SPAG1: variants seen among roughly 807,000 people sequenced by gnomAD.
SPAG1 encodes the protein sperm-associated antigen 1.
A neutral mutation model predicts 100.5 loss-of-function variants in SPAG1; 69 were observed. That is an observed-to-expected ratio of 0.69 (90% CI 0.57 to 0.84). The LOEUF (loss-of-function observed/expected upper bound fraction) is 0.84, where lower values mean the gene tolerates loss of function less well. SPAG1 is among the 40% of genes least tolerant of loss of function. The pLI is 0.00. For synonymous variants in SPAG1, 336 were observed against 411.6 expected (o/e 0.82, Z 2.22); for missense variants, 955 against 1,133.1 (o/e 0.84, Z 2.26).
At chr8:100,204,784 T>C (rs1817436103) in intron 10 of SPAG1, among the ~76,000 whole-genome samples, 1 of 152,238 alleles carries the variant, frequency 6.6e-6, no homozygotes, top group Non-Finnish European at 1.5e-5. Flanking sequence ...AAGAGCCGTG[T>C]AATTGCTCTT....
intron 8 of SPAG1, among the ~76,000 whole-genome samples, chr8:100,188,178 G>T (rs1304531763): frequency 6.6e-6 from 1 of 150,674 alleles, no homozygotes; most frequent in Non-Finnish European, 1.5e-5. Flanking sequence ...TTGAGATAGG[G>T]TCTCACTCTG....
intron 13 of SPAG1, among the ~76,000 whole-genome samples, chr8:100,220,932 G>C (rs887417380): frequency 2.0e-5 from 3 of 152,072 alleles, no homozygotes; most frequent in Non-Finnish European, 4.4e-5. Context: ...AATTAGCCAG[G>C]TGTGGTGGCG....
chr8:100,216,908 C>T lies in SPAG1; in HGVS notation c.1535+2990C>T, dbSNP rs187417958. Among the ~76,000 whole-genome samples, 438 of 146,322 alleles carry T rather than the reference C, an allele frequency of 3.0e-3. 8 individuals are homozygous for T. Among genetic ancestry groups the T allele is most frequent in the Non-Finnish European group, 2.5e-3 (164 of 66,714 alleles). On this transcript the variant is annotated intron_variant, in intron 12 of 18. Transcript: ENST00000388798. ...TTAGTTTTTCAGTTAATTATCTTTGCTCTTTGGAGAGTTCCATGAGTTCTT... is the reference window on the plus strand; with the variant it reads ...TTAGTTTTTCAGTTAATTATCTTTGTTCTTTGGAGAGTTCCATGAGTTCTT...
chr8:100,228,198 A>G (rs1404210530), intron 14 of SPAG1, among the ~76,000 whole-genome samples: 1 of 152,168 alleles, frequency 6.6e-6, no homozygotes, highest in Non-Finnish European at 1.5e-5. Context: ...TTGAAATAGA[A>G]GATGAAAAGT....
intron 10 of SPAG1, among the ~76,000 whole-genome samples, chr8:100,212,450 A>G (rs1817755300): frequency 6.6e-6 from 1 of 152,242 alleles, no homozygotes; most frequent in South Asian, 2.1e-4. Context: ...TTCAACAATT[A>G]TTAAAGCTAT....
At chr8:100,178,790 G>A (rs1816238767) in intron 4 of SPAG1, among the ~76,000 whole-genome samples, 1 of 152,144 alleles carries the variant, frequency 6.6e-6, no homozygotes, top group Admixed American at 6.5e-5. Flanking sequence ...TCTGCAATCA[G>A]TGAAATTGTA....
chr8:100,204,943 A>T (rs1817444125), intron 10 of SPAG1, among the ~76,000 whole-genome samples: 1 of 152,330 alleles, frequency 6.6e-6, no homozygotes, highest in Non-Finnish European at 1.5e-5. Context: ...CATAATGGAC[A>T]GTAGAGGCAA....
chr8:100,173,949 T>C lies in SPAG1; in HGVS notation c.301-3867T>C, dbSNP rs143390848. On this transcript the variant is annotated intron_variant, in intron 3 of 18. Transcript: ENST00000388798. ...AAATGGTTAAGATGGCCAATTTTAT[T>C]ATGTTATACATATTTACCACAATTT... 2.3e-3 allele frequency among the ~76,000 whole-genome samples: 350 copies of C among 152,344 alleles called. 2 individuals carry two copies. The highest frequency in any genetic ancestry group is 7.8e-3 in the African/African-American group (323 of 41,580).
intron 10 of SPAG1, among the ~76,000 whole-genome samples, chr8:100,194,914 C>T (rs1816966724): frequency 6.6e-6 from 1 of 152,110 alleles, no homozygotes; most frequent in Non-Finnish European, 1.5e-5. Flanking sequence ...CACCTATAAT[C>T]CCAGCATTTT....
At chr8:100,178,363 CT>C (rs1190450722) in intron 4 of SPAG1, among the ~76,000 whole-genome samples, 3 of 151,902 alleles carry the variant, frequency 2.0e-5, no homozygotes, top group Non-Finnish European at 1.5e-5. Context: ...TAAACAGATA[CT>C]TTCAGTACTT....
At chr8:100,195,876 C>T (rs1817011279) in intron 10 of SPAG1, among the ~76,000 whole-genome samples, 2 of 152,190 alleles carry the variant, frequency 1.3e-5, no homozygotes, top group African/African-American at 4.8e-5. Context: ...CCCAAAAAGG[C>T]CTTCTTGCTG....
chr8:100,186,886 G>T (rs1816609189), intron 7 of SPAG1, among the ~76,000 whole-genome samples: 1 of 151,944 alleles, frequency 6.6e-6, no homozygotes, highest in African/African-American at 2.4e-5. Context: ...TATGGGATCT[G>T]GGCCCCCTCT....
At chr8:100,213,012 C>G in intron 10 of SPAG1, 78 bp from the exon 11 acceptor site, 1 of 1,230,762 alleles carries the variant, frequency 8.1e-7, no homozygotes, top group Non-Finnish European at 1.0e-6. Flanking sequence ...CGTCCTGCAC[C>G]CCCGCGGCCT....
In SPAG1 at chr8:100,177,757, T is replaced by G. The variant is rs543575837; in HGVS notation, c.301-59T>G. On this transcript the variant is annotated intron_variant, in intron 3 of 18. Transcript: ENST00000388798. ...TTGTTCAAGGGTCAACTATAGTTCT[T>G]TCTTATGCTTGGTTATAATTATTTC... The G allele has an allele frequency of 1.1e-5, 12 of 1,063,692 alleles. No homozygotes were observed. The South Asian group carries it at 2.0e-4, about 18-fold the overall frequency. 65.9% of individuals were successfully genotyped at this position (1,063,692 alleles called of 1,614,324 possible). A position where few individuals can be genotyped will look rare whatever the true frequency, so the allele number is the denominator to read the frequency against.
At position 100,187,177 on chromosome 8, in the gene SPAG1, C is replaced by A; in HGVS notation, c.759C>A (p.Ile253=). 1 of 1,613,008 alleles carries A rather than the reference C, an allele frequency of 6.2e-7. No individual in the cohort carries two copies. Among genetic ancestry groups the A allele is most frequent in the Non-Finnish European group, 8.5e-7 (1 of 1,179,396 alleles). The part of the protein sequence containing the change: ...VAYNNRAQAE[I]KLQNWNSAFQ... Reference sequence around the variant, plus strand: ...ATAACAATCGAGCTCAAGCAGAAATCAAATTACAGAACTGGAATAGTGCTT... The same window carrying A: ...ATAACAATCGAGCTCAAGCAGAAATAAAATTACAGAACTGGAATAGTGCTT... Residue 253 remains isoleucine, a synonymous_variant, in exon 8 of 19, where the codon ATC becomes ATA. Coordinates refer to ENST00000388798, the MANE Select transcript of SPAG1 (RefSeq NM_003114.5).
At chr8:100,212,916 G>C (rs1243979435) in intron 10 of SPAG1, among the ~76,000 whole-genome samples, 174 bp from the exon 11 acceptor site, 1 of 152,188 alleles carries the variant, frequency 6.6e-6, no homozygotes, top group Non-Finnish European at 1.5e-5. Flanking sequence ...GGAGCGGACT[G>C]GGCCGACTGG....
At chr8:100,185,528 G>C (rs1288323027) in intron 7 of SPAG1, among the ~76,000 whole-genome samples, 1 of 152,162 alleles carries the variant, frequency 6.6e-6, no homozygotes, top group Non-Finnish European at 1.5e-5. Flanking sequence ...GAACCCATTT[G>C]TCAAGGATTT....
chr8:100,215,952 T>A (rs534079936), intron 12 of SPAG1, among the ~76,000 whole-genome samples: 39 of 152,380 alleles, frequency 2.6e-4, no homozygotes, highest in Non-Finnish European at 1.9e-4. Context: ...TATATTCTCT[T>A]TGGCCTGACA....
intron 10 of SPAG1, among the ~76,000 whole-genome samples, chr8:100,212,752 A>C (rs1277236231): frequency 6.6e-6 from 1 of 152,232 alleles, no homozygotes; most frequent in Non-Finnish European, 1.5e-5. Context: ...GTATTTTGTA[A>C]GCTCACCTGG....
Sources: allele counts gnomAD v4.1 joint callset (sites outside exome capture counted in the v4.1 genomes callset), GRCh38; gene constraint gnomAD v4.1.1; transcripts MANE v1.5; gene names NCBI Gene and HGNC (gene_info 2026-07-23, HGNC 2026-07-21).